SYN3: variants seen among roughly 807,000 people sequenced by gnomAD.
SYN3 encodes the protein synapsin III.
SYN3 carries 35 observed loss-of-function variants against 65.8 expected under a neutral mutation model. The ratio of observed to expected loss-of-function variants is 0.53; its 90% confidence interval spans 0.41 to 0.70. SYN3 has a LOEUF of 0.70. SYN3 is among the 30% of genes least tolerant of loss of function. SYN3 has a pLI of 0.00. For synonymous variants in SYN3, 270 were observed against 292.9 expected, an observed-to-expected ratio of 0.92 and a Z score of 0.80; for missense variants, 680 against 749.0, an observed-to-expected ratio of 0.91 and a Z score of 1.08.
At chr22:32,680,464 A>G (rs2060508050) in intron 6 of SYN3, among the ~76,000 whole-genome samples, 2 of 152,170 alleles carry the variant, frequency 1.3e-5, no homozygotes, top group South Asian at 4.1e-4. Flanking sequence ...ATTCCACAGC[A>G]TCTAGTTCAG....
intron 6 of SYN3, chr22:32,859,654 C>A: frequency 4.3e-6 from 2 of 462,704 alleles, no homozygotes; most frequent in Non-Finnish European, 7.7e-6. Flanking sequence ...TATTCCTCTT[C>A]TTCGTGATAA....
intron 4 of SYN3, among the ~76,000 whole-genome samples, chr22:32,881,297 A>G (rs1437281444): frequency 6.6e-6 from 1 of 152,120 alleles, no homozygotes; most frequent in African/African-American, 2.4e-5. Flanking sequence ...GGGTGATGGG[A>G]GAGCACATTT....
At chr22:32,677,094 G>A (rs1165414994) in intron 6 of SYN3, among the ~76,000 whole-genome samples, 3 of 152,168 alleles carry the variant, frequency 2.0e-5, no homozygotes, top group Non-Finnish European at 2.9e-5. Context: ...TGTGGCAGAC[G>A]CAATGCTAGA....
chr22:33,015,846 T>TC (rs3071396), intron 1 of SYN3, among the ~76,000 whole-genome samples: 2 of 106,988 alleles, frequency 1.9e-5, no homozygotes, highest in African/African-American at 6.7e-5. Flanking sequence ...TTTTCTTTTC[T>TC]TTTTTTTTTT....
Position 32,858,045 on chromosome 22 carries a change from G to A in SYN3, c.711+6870C>T, listed in dbSNP as rs746811195. ...GCGTCTATGATGGCAAGATGTACAC[G>A]GGGCTGTGCAACTTCGTGGAGAGGT... On this transcript the variant is annotated intron_variant, in intron 6 of 13. Transcript: ENST00000358763. The A allele has an allele frequency of 8.1e-6, 13 of 1,614,014 alleles. No homozygotes were observed. Among genetic ancestry groups the A allele is most frequent in the South Asian group, 7.7e-5 (7 of 91,078 alleles).
intron 10 of SYN3, among the ~76,000 whole-genome samples, chr22:32,531,193 C>T (rs2058065852): frequency 7.3e-6 from 1 of 137,300 alleles, no homozygotes; most frequent in African/African-American, 2.7e-5. Context: ...GTGAGTACTG[C>T]TTCTAGCAGG....
intron 6 of SYN3, among the ~76,000 whole-genome samples, chr22:32,808,329 C>CTT (rs2046820877): frequency 6.6e-6 from 1 of 152,200 alleles, no homozygotes; most frequent in South Asian, 2.1e-4. Context: ...ACTCACTCAT[C>CTT]TGTCTCCCTT....
At chr22:32,758,705 T>TATATATATATA (rs1277216646) in intron 6 of SYN3, among the ~76,000 whole-genome samples, 191 of 109,536 alleles carry the variant, frequency 1.7e-3, no homozygotes, top group Non-Finnish European at 2.7e-3. Flanking sequence ...TATATATGTC[T>TATATATATATA]TATTAGTTCT....
intron 6 of SYN3, among the ~76,000 whole-genome samples, chr22:32,687,680 A>G (rs2060609449): frequency 1.3e-5 from 2 of 152,126 alleles, no homozygotes; most frequent in Middle Eastern, 3.4e-3. Flanking sequence ...CTCACCTTGT[A>G]TCACTCTCCC....
intron 2 of SYN3, among the ~76,000 whole-genome samples, chr22:32,983,251 A>G (rs769365495): frequency 2.0e-5 from 3 of 152,202 alleles, no homozygotes; most frequent in Non-Finnish European, 4.4e-5. Context: ...TGTGTACCCC[A>G]AGTCTCCCAT....
Position 32,809,364 on chromosome 22 carries a change from C to T in SYN3, c.711+55551G>A, listed in dbSNP as rs975391131. Among the ~76,000 whole-genome samples, 6 of 152,316 alleles carry T rather than the reference C, an allele frequency of 3.9e-5. No individual in the cohort carries two copies. In the South Asian group the frequency reaches 6.2e-4, roughly 16 times the overall value. On this transcript the variant is annotated intron_variant, in intron 6 of 13. Coordinates refer to ENST00000358763, the MANE Select transcript of SYN3 (RefSeq NM_003490.4). Reference sequence around the variant, plus strand: ...GGCTCCCCACTGTTGGGGTCCCCGTCAGTCTGCTTATCTTTGGTTTTCTTC... The same window carrying T: ...GGCTCCCCACTGTTGGGGTCCCCGTTAGTCTGCTTATCTTTGGTTTTCTTC...
chr22:32,885,538 C>A lies in SYN3; in HGVS notation c.462-16413G>T, dbSNP rs146094835. On this transcript the variant is annotated intron_variant, in intron 4 of 13. Coordinates refer to ENST00000358763, the MANE Select transcript of SYN3 (RefSeq NM_003490.4). The stretch of plus-strand genomic sequence containing the variant: ...CCCGGCAGGTACATCTCAGGCCTCC[C>A]TGGTCAGAACTGCATCATCTTCCCT... 1.2e-4 allele frequency among the ~76,000 whole-genome samples: 18 copies of A among 151,962 alleles called. No individual in the cohort carries two copies. In the East Asian group the frequency reaches 3.5e-3, roughly 30 times the overall value.
At chr22:32,544,498 C>T (rs1441995332) in intron 7 of SYN3, among the ~76,000 whole-genome samples, 1 of 152,176 alleles carries the variant, frequency 6.6e-6, no homozygotes, top group Non-Finnish European at 1.5e-5. Flanking sequence ...GCCAAGGTCC[C>T]TTTTAGTCCA....
chr22:32,929,379 A>G (rs2050566842), intron 4 of SYN3, among the ~76,000 whole-genome samples: 1 of 152,100 alleles, frequency 6.6e-6, no homozygotes, highest in South Asian at 2.1e-4. Flanking sequence ...TTTGATATGT[A>G]TAGTTTTTAA....
chr22:32,770,300 A>T (rs755978314), intron 6 of SYN3, among the ~76,000 whole-genome samples: 7 of 152,190 alleles, frequency 4.6e-5, no homozygotes, highest in Non-Finnish European at 1.0e-4. Flanking sequence ...CTCATAGCAG[A>T]GTGGTGATGC....
intron 6 of SYN3, among the ~76,000 whole-genome samples, chr22:32,723,429 G>T (rs1372100211): frequency 6.6e-6 from 1 of 152,132 alleles, no homozygotes; most frequent in East Asian, 1.9e-4. Flanking sequence ...AGAGACGTGG[G>T]GACTGCCTAG....
At chr22:32,729,213 T>C (rs1026223001) in intron 6 of SYN3, among the ~76,000 whole-genome samples, 1 of 152,246 alleles carries the variant, frequency 6.6e-6, no homozygotes, top group African/African-American at 2.4e-5. Flanking sequence ...CACCATCCTC[T>C]TTCCGGGCTT....
chr22:32,683,779 T>C (rs2060554768), intron 6 of SYN3, among the ~76,000 whole-genome samples: 1 of 152,236 alleles, frequency 6.6e-6, no homozygotes, highest in Non-Finnish European at 1.5e-5. Flanking sequence ...TCCTTGCAGA[T>C]GTCATTGTCC....
At chr22:32,738,187 G>A (rs1261344020) in intron 6 of SYN3, among the ~76,000 whole-genome samples, 1 of 152,160 alleles carries the variant, frequency 6.6e-6, no homozygotes, top group Non-Finnish European at 1.5e-5. Flanking sequence ...TATCAGATGT[G>A]TGGTTTCAAG....
Sources: gnomAD v4.1 joint callset for allele counts (sites outside exome capture counted in the v4.1 genomes callset) on GRCh38, gnomAD v4.1.1 for gene constraint, MANE v1.5 for transcripts, NCBI Gene and HGNC (gene_info 2026-07-23, HGNC 2026-07-21) for gene names.